The following ZNF44 variants were observed in gnomAD, a reference collection of about 807,000 sequenced individuals.
ZNF44 encodes the protein zinc finger protein 44.
A neutral mutation model predicts 11.7 loss-of-function variants in ZNF44; 9 were observed. That is an observed-to-expected ratio of 0.77 (90% CI 0.46 to 1.35). The LOEUF (loss-of-function observed/expected upper bound fraction) is 1.35, where lower values mean the gene tolerates loss of function less well. ZNF44 is among the 40% of genes most tolerant of loss of function. The pLI is 0.00. For synonymous variants in ZNF44, 224 were observed against 242.7 expected (o/e 0.92, Z 0.72); for missense variants, 696 against 743.1 (o/e 0.94, Z 0.74).
chr19:12,289,643 C>CTTTTTT (rs34329118), intron 1 of ZNF44, among the ~76,000 whole-genome samples: 1 of 117,904 alleles, frequency 8.5e-6, no homozygotes, highest in Admixed American at 8.9e-5. Context: ...TAAACTCATT[C>CTTTTTT]TTTTTTTTTT....
rs1195719638 is a variant in ZNF44, at chr19:12,294,674, CG to C, written c.3+17del. The C allele has an allele frequency of 4.5e-6, 7 of 1,559,174 alleles. No homozygotes were observed. In the Admixed American group the frequency reaches 9.5e-5, roughly 21 times the overall value. On this transcript the variant is annotated intron_variant, in intron 1 of 3. Coordinates refer to ENST00000355684, the MANE Select transcript of ZNF44 (RefSeq NM_016264.4). ...AGCCCTTCGCCCTGCCTCAGGACGC[CG>C]GGCCCCGCACACTCACCATTTCCCG... is the stretch of plus-strand genomic sequence containing the variant.
Position 12,273,910 on chromosome 19 carries a change from A to G in ZNF44, c.345T>C (p.His115=). ...CTCTGATGTAGCAATTCAGGGATGAATGACCCATTATGACTTCTCCATTCA... is the reference window on the plus strand; with the variant it reads ...CTCTGATGTAGCAATTCAGGGATGAGTGACCCATTATGACTTCTCCATTCA... ...SSVNGEVIMG[H]SSLNCYIRVD... Residue 115 remains histidine (H), a synonymous_variant, in exon 4 of 4, where the codon CAT becomes CAC. Coordinates refer to ENST00000355684, the MANE Select transcript of ZNF44 (RefSeq NM_016264.4). 1 of 1,614,140 alleles carries G rather than the reference A, an allele frequency of 6.2e-7. No individual in the cohort carries two copies. Among genetic ancestry groups the G allele is most frequent in the Non-Finnish European group, 8.5e-7 (1 of 1,180,024 alleles).
intron 1 of ZNF44, 124 bp downstream of exon 1, chr19:12,294,568 G>C: frequency 7.5e-7 from 1 of 1,341,858 alleles, no homozygotes; most frequent in South Asian, 1.4e-5. Context: ...GAGGTGCGCA[G>C]GGGGCGCTCA....
downstream of ZNF44, chr19:12,226,020 AG>A (rs1915903430): frequency 6.6e-6 from 1 of 152,234 alleles, no homozygotes; most frequent in Non-Finnish European, 1.5e-5. Flanking sequence ...AGGCAACACC[AG>A]GATTTAACAA....
downstream of ZNF44, chr19:12,247,189 T>C: frequency 1.4e-6 from 1 of 710,418 alleles, no homozygotes; most frequent in African/African-American, 1.9e-5. Flanking sequence ...TTACTTACAT[T>C]CATGCAACTA....
At chr19:12,284,415 G>A (rs918863906) in intron 1 of ZNF44, 2 of 629,030 alleles carry the variant, frequency 3.2e-6, no homozygotes, top group Non-Finnish European at 5.9e-6. Flanking sequence ...TGGCTTCCGC[G>A]GAGATTTCGG....
At chr19:12,265,438 TCA>T (rs1324454419) in intron 5 of ZNF44, among the ~76,000 whole-genome samples, 2 of 152,140 alleles carry the variant, frequency 1.3e-5, no homozygotes, top group Admixed American at 1.3e-4. Flanking sequence ...TTCCAGAAAT[TCA>T]CCTTTCTTGG....
chr19:12,267,043 C>T (rs867579838), downstream of ZNF44, among the ~76,000 whole-genome samples: 566 of 139,792 alleles, frequency 4.0e-3, 4 homozygotes, highest in Middle Eastern at 0.018. Context: ...TTTCTTTTTT[C>T]TTTTTTTTTT....
downstream of ZNF44, among the ~76,000 whole-genome samples, chr19:12,243,596 CTA>C (rs1480092645): frequency 1.3e-5 from 2 of 152,264 alleles, no homozygotes; most frequent in Non-Finnish European, 2.9e-5. Context: ...CATATGTTGA[CTA>C]TTGTGAATAA....
intron 2 of ZNF44, among the ~76,000 whole-genome samples, chr19:12,231,079 A>C (rs565369160): frequency 5.9e-5 from 9 of 152,276 alleles, no homozygotes; most frequent in South Asian, 2.1e-4. Flanking sequence ...GACTTTTAAA[A>C]TGAGGTGCTT....
chr19:12,284,362 G>T (rs541150464), intron 1 of ZNF44: 2 of 578,042 alleles, frequency 3.5e-6, no homozygotes, highest in East Asian at 3.9e-5. Context: ...GGTGCAGCGC[G>T]GGGGTCCAGA....
chr19:12,283,079 C>T (rs1967555805), intron 1 of ZNF44, among the ~76,000 whole-genome samples: 1 of 152,186 alleles, frequency 6.6e-6, no homozygotes, highest in African/African-American at 2.4e-5. Flanking sequence ...TGTGTCTTCT[C>T]AAGTTGATCC....
At position 12,272,457 on chromosome 19, in the gene ZNF44, G is replaced by A. The variant is rs1381542457; in HGVS notation, c.1798C>T (p.Leu600Phe). ...CTTTTATGTCTATTAAAGGAACTGA[G>A]AGAACTGAAGGCTTTCCCACATTCC... ...CKECGKAFSS[L>F]SSFNRHKRTH... The change falls in exon 4 of 4, where the codon CTC becomes TTC. Residue 600 changes from leucine (L) to phenylalanine (F), a missense_variant. Leu to Phe is a conservative substitution (Grantham distance 22). Coordinates refer to ENST00000355684, the MANE Select transcript of ZNF44 (RefSeq NM_016264.4). 1 of 1,590,810 alleles carries A rather than the reference G, an allele frequency of 6.3e-7. No homozygotes were observed. The highest frequency in any genetic ancestry group is 1.9e-5 in the Admixed American group (1 of 53,992).
chr19:12,248,585 T>C, exon 8 of ZNF44: 1 of 1,293,910 alleles, frequency 7.7e-7, no homozygotes, highest in Middle Eastern at 2.1e-4. Flanking sequence ...CAGAAGGAGT[T>C]TTCTTGTTCA....
Position 12,273,557 on chromosome 19 carries a change from G to C in ZNF44, c.698C>G (p.Ala233Gly). The C allele has an allele frequency of 6.2e-7, 1 of 1,614,058 alleles. No individual in the cohort carries two copies. The highest frequency in any genetic ancestry group is 8.5e-7 in the Non-Finnish European group (1 of 1,180,022). Residue 233 changes from alanine (A) to glycine (G), a missense_variant, in exon 4 of 4, where the codon GCC becomes GGC. By Grantham distance (60) the Ala-to-Gly change is moderately conservative. Transcript: ENST00000355684. Reference protein sequence around the residue: ...KPYECKQCSKAFPVYSSYLRH... With the variant: ...KPYECKQCSKGFPVYSSYLRH... Reference sequence around the variant, plus strand: ...TAGATAGGAACTGTAAACAGGGAAGGCTTTAGAACACTGCTTACATTCATA... The same window carrying C: ...TAGATAGGAACTGTAAACAGGGAAGCCTTTAGAACACTGCTTACATTCATA...
At chr19:12,248,801 A>G (rs1916861194) in intron 7 of ZNF44, 1 of 523,960 alleles carries the variant, frequency 1.9e-6, no homozygotes, top group Non-Finnish European at 2.9e-6. Context: ...TCCTGTCTAA[A>G]TTGCTTGTGA....
intron 5 of ZNF44, among the ~76,000 whole-genome samples, chr19:12,261,884 GA>G (rs35737370): frequency 2.0e-5 from 3 of 151,682 alleles, no homozygotes; most frequent in African/African-American, 4.8e-5. Context: ...TTAAATGATT[GA>G]AAAAAATTAT....
At chr19:12,237,803 G>C (rs1035698475), upstream of ZNF44, 1 of 144,916 alleles carries the variant, frequency 6.9e-6, no homozygotes, top group Admixed American at 7.1e-5. Flanking sequence ...CTTCCTTCTG[G>C]AGCTTGGACG....
chr19:12,291,013 C>A, intron 1 of ZNF44: 1 of 253,626 alleles, frequency 3.9e-6, no homozygotes, highest in South Asian at 4.0e-5. Flanking sequence ...TCAGTGTTTA[C>A]AGGAGGGAAG....
Sources: allele counts gnomAD v4.1 joint callset (sites outside exome capture counted in the v4.1 genomes callset), GRCh38; gene constraint gnomAD v4.1.1; transcripts MANE v1.5; gene names NCBI Gene and HGNC (gene_info 2026-07-23, HGNC 2026-07-21).